SIPA1L2: variants seen among roughly 807,000 people sequenced by gnomAD.
The protein encoded by SIPA1L2 is signal-induced proliferation-associated 1-like protein 2.
SIPA1L2 carries 56 observed loss-of-function variants against 163.9 expected under a neutral mutation model. The ratio of observed to expected loss-of-function variants is 0.34; its 90% CI spans 0.28 to 0.43. The LOEUF is 0.43. Ranked by LOEUF, SIPA1L2 falls within the 20% of genes least tolerant of loss-of-function variation. SIPA1L2 has a pLI of 1.00. For synonymous variants in SIPA1L2, 877 were observed against 865.7 expected (o/e 1.01, Z -0.23); for missense variants, 1,974 against 2,193.5 (o/e 0.90, Z 2.00).
At chr1:232,623,705 A>G (rs1380652617) in intron 1 of SIPA1L2, among the ~76,000 whole-genome samples, 1 of 152,316 alleles carries the variant, frequency 6.6e-6, no homozygotes, top group African/African-American at 2.4e-5. Flanking sequence ...CTACCCCTCA[A>G]TAAATGAAAC....
rs1662884017 is a variant in SIPA1L2, at chr1:232,441,394, T to C, written c.3539A>G (p.Glu1180Gly). ...EDTMEASRHP[E>G]TKWHGPPSKV... is the part of the protein sequence containing the mutation. ...GGAAGGTGGGCCATGCCATTTGGTT[T>C]CTGTCACATAAAAAGAGAGGAGTTG... The change falls in exon 14 of 23, where the codon GAA (glutamate) becomes GGA (glycine). Residue 1180 changes from glutamate (E) to glycine (G), a missense_variant and splice_region_variant. By Grantham distance (98) the Glu-to-Gly change is moderately conservative. Transcript: ENST00000674635. 1 of 1,600,706 alleles carries C rather than the reference T, an allele frequency of 6.2e-7. No individual in the cohort carries two copies. Among genetic ancestry groups the C allele is most frequent in the Non-Finnish European group, 8.5e-7 (1 of 1,176,290 alleles).
At chr1:232,522,850 A>G (rs1381583269) in intron 2 of SIPA1L2, among the ~76,000 whole-genome samples, 3 of 152,376 alleles carry the variant, frequency 2.0e-5, no homozygotes, top group East Asian at 1.9e-4. Flanking sequence ...AATGAAACCC[A>G]TAACTATTCC....
intron 1 of SIPA1L2, among the ~76,000 whole-genome samples, chr1:232,604,144 G>A (rs1000599213): frequency 5.9e-5 from 9 of 152,102 alleles, no homozygotes; most frequent in Non-Finnish European, 1.2e-4. Flanking sequence ...ATTCCAGCAC[G>A]TGGTAAAGCA....
At chr1:232,489,147 TAC>T (rs1460948363) in intron 5 of SIPA1L2, among the ~76,000 whole-genome samples, 1 of 152,142 alleles carries the variant, frequency 6.6e-6, no homozygotes, top group African/African-American at 2.4e-5. Flanking sequence ...TGCTCTGTAG[TAC>T]AGTGATATAT....
intron 19 of SIPA1L2, among the ~76,000 whole-genome samples, chr1:232,404,915 A>T (rs1660553406): frequency 6.6e-6 from 1 of 152,182 alleles, no homozygotes; most frequent in African/African-American, 2.4e-5. Context: ...GGTATACAGC[A>T]GGCGTGTTAG....
At chr1:232,443,580 C>G in intron 12 of SIPA1L2, 22 bp downstream of exon 12, 1 of 1,548,144 alleles carries the variant, frequency 6.5e-7, no homozygotes, top group Non-Finnish European at 8.7e-7. Flanking sequence ...CAGTGGATAA[C>G]TAAGATAAAA....
chr1:232,483,249 CT>C (rs67543177), intron 6 of SIPA1L2, among the ~76,000 whole-genome samples: 404 of 144,058 alleles, frequency 2.8e-3, no homozygotes, highest in Middle Eastern at 0.011. Flanking sequence ...GATGCATCAG[CT>C]TTTTTTTTTT....
intron 18 of SIPA1L2, among the ~76,000 whole-genome samples, chr1:232,421,224 C>T (rs903002682): frequency 6.6e-6 from 1 of 152,112 alleles, no homozygotes; most frequent in Non-Finnish European, 1.5e-5. Context: ...ATGTTGCATA[C>T]GGACCTAAGT....
chr1:232,612,362 C>A (rs1316993491), intron 1 of SIPA1L2, among the ~76,000 whole-genome samples: 1 of 152,178 alleles, frequency 6.6e-6, no homozygotes, highest in Non-Finnish European at 1.5e-5. Context: ...AATGGTAGAT[C>A]CACCAACAGC....
chr1:232,487,954 ACG>A (rs371719881), intron 5 of SIPA1L2, among the ~76,000 whole-genome samples: 98 of 143,470 alleles, frequency 6.8e-4, no homozygotes, highest in African/African-American at 2.3e-3. Flanking sequence ...ACACACACAC[ACG>A]CACACATATT....
At chr1:232,448,354 T>TA (rs1663339687) in intron 10 of SIPA1L2, among the ~76,000 whole-genome samples, 1 of 152,206 alleles carries the variant, frequency 6.6e-6, no homozygotes, top group Non-Finnish European at 1.5e-5. Flanking sequence ...TGCCTCTCCC[T>TA]AGACATTCCA....
intron 16 of SIPA1L2, among the ~76,000 whole-genome samples, chr1:232,431,811 C>T (rs909582546): frequency 4.6e-5 from 7 of 152,202 alleles, no homozygotes; most frequent in Non-Finnish European, 1.0e-4. Context: ...CCCCCTCAAC[C>T]TCAAACCTAA....
At chr1:232,573,622 T>A in intron 2 of SIPA1L2, among the ~76,000 whole-genome samples, 1 of 152,188 alleles carries the variant, frequency 6.6e-6, no homozygotes, top group South Asian at 2.1e-4. Flanking sequence ...TGCACACACA[T>A]AAGTAAGGGA....
At chr1:232,402,324 C>T (rs767250431) in intron 22 of SIPA1L2, 68 bp downstream of exon 22, 17 of 1,388,274 alleles carry the variant, frequency 1.2e-5, no homozygotes, top group Non-Finnish European at 1.7e-5. Flanking sequence ...TTCAATTTAT[C>T]TGTAGTAGTT....
At chr1:232,427,335 A>G (rs1039057906) in intron 17 of SIPA1L2, among the ~76,000 whole-genome samples, 9 of 152,278 alleles carry the variant, frequency 5.9e-5, no homozygotes, top group Non-Finnish European at 1.3e-4. Flanking sequence ...GCTTTGCAGT[A>G]GTGTCTAATT....
chr1:232,413,991 C>T (rs183876099), intron 19 of SIPA1L2, among the ~76,000 whole-genome samples: 1 of 152,100 alleles, frequency 6.6e-6, no homozygotes, highest in African/African-American at 2.4e-5. Flanking sequence ...GGGTCATGCC[C>T]AAGAAAGTGC....
At chr1:232,457,010 C>T (rs1663958018) in intron 10 of SIPA1L2, among the ~76,000 whole-genome samples, 1 of 152,174 alleles carries the variant, frequency 6.6e-6, no homozygotes, top group South Asian at 2.1e-4. Context: ...CTAAAAATGG[C>T]TCTGACTTCC....
At chr1:232,550,780 A>G (rs1004730422) in intron 2 of SIPA1L2, among the ~76,000 whole-genome samples, 1 of 152,250 alleles carries the variant, frequency 6.6e-6, no homozygotes, top group Non-Finnish European at 1.5e-5. Flanking sequence ...AAACAGACAG[A>G]GACACTAAAG....
chr1:232,434,678 T>C (rs1478144045), intron 15 of SIPA1L2, among the ~76,000 whole-genome samples: 3 of 152,192 alleles, frequency 2.0e-5, no homozygotes, highest in Non-Finnish European at 4.4e-5. Context: ...AAACTGTGTG[T>C]CTAGACAACG....
Sources: allele counts gnomAD v4.1 joint callset (sites outside exome capture counted in the v4.1 genomes callset), GRCh38; gene constraint gnomAD v4.1.1; transcripts MANE v1.5; gene names NCBI Gene and HGNC (gene_info 2026-07-23, HGNC 2026-07-21).